Variants in CADPS2 observed in about 807,000 individuals in gnomAD.
CADPS2 encodes calcium dependent secretion activator 2, also known as calcium-dependent secretion activator 2.
CADPS2 carries 93 observed loss-of-function variants against 172.5 expected under a neutral mutation model. The ratio of observed to expected loss-of-function variants is 0.54; its 90% CI spans 0.46 to 0.64. The LOEUF (loss-of-function observed/expected upper bound fraction) is 0.64. Among genes scored for constraint, CADPS2 ranks in the 30% least tolerant of loss-of-function variants. The probability of loss-of-function intolerance (pLI) is 0.00; values close to 1 mark genes in which losing one functional copy is unlikely to be tolerated. For missense variants in CADPS2, 1,420 were observed against 1,565.9 expected, an observed-to-expected ratio of 0.91 and a Z score of 1.57; for synonymous variants, 546 against 555.2, an observed-to-expected ratio of 0.98 and a Z score of 0.23.
Position 122,393,553 on chromosome 7 carries a change from G to A in CADPS2, c.2776C>T (p.His926Tyr), listed in dbSNP as rs778512827. ...TLLCNGKFHK[H>Y]LQEIFVPLVV... ...AAGGGTACAAAGATTTCTTGCAAGT[G>A]TTTGTGAAATTTTCCATTACACAAA... Residue 926 changes from histidine (H) to tyrosine (Y), a missense_variant, in exon 21 of 30, where the codon CAC (histidine) becomes TAC (tyrosine). Transcript: ENST00000449022. The A allele has an allele frequency of 1.2e-6, 2 of 1,613,820 alleles. No individual in the cohort carries two copies. Among genetic ancestry groups the A allele is most frequent in the South Asian group, 1.1e-5 (1 of 91,068 alleles).
chr7:122,774,267 TATACAC>T lies in CADPS2; in HGVS notation c.340-37205_340-37200del, dbSNP rs894836230. Among the ~76,000 whole-genome samples, 33 of 119,574 alleles carry T rather than the reference TATACAC, an allele frequency of 2.8e-4. No homozygotes were observed. In the East Asian group the frequency reaches 4.2e-3, roughly 15 times the overall value. 78.4% of individuals were successfully genotyped at this position (119,574 alleles called of 152,430 possible). A position where few individuals can be genotyped will look rare whatever the true frequency, so the allele number is the denominator to read the frequency against. ...ATATATATATATAGACATAGATAGA[TATACAC>T]ACACACACACACACACACACACACA... On this transcript the variant is annotated intron_variant, in intron 1 of 29. Coordinates refer to ENST00000449022, the MANE Select transcript of CADPS2 (RefSeq NM_017954.11).
At chr7:122,797,419 T>G (rs1796615387) in intron 1 of CADPS2, among the ~76,000 whole-genome samples, 2 of 152,214 alleles carry the variant, frequency 1.3e-5, no homozygotes, top group South Asian at 4.1e-4. Context: ...GCAGCACTAT[T>G]CACAATAACA....
intron 2 of CADPS2, among the ~76,000 whole-genome samples, chr7:122,689,814 C>G (rs1285095904): frequency 6.6e-6 from 1 of 152,170 alleles, no homozygotes; most frequent in Non-Finnish European, 1.5e-5. Flanking sequence ...TGACTTTACC[C>G]CAGTGCTGCT....
Position 122,416,308 on chromosome 7 carries a change from AAC to A in CADPS2, c.2477-146_2477-145del, listed in dbSNP as rs1554508564. 20 of 465,188 alleles carry A rather than the reference AAC, an allele frequency of 4.3e-5. No individual in the cohort carries two copies. In the South Asian group the frequency reaches 7.2e-4, roughly 17 times the overall value. 28.8% of individuals were successfully genotyped at this position (465,188 alleles called of 1,614,324 possible). A position where few individuals can be genotyped will look rare whatever the true frequency, so the allele number is the denominator to read the frequency against. On this transcript the variant is annotated intron_variant, in intron 17 of 29. Coordinates refer to ENST00000449022, the MANE Select transcript of CADPS2 (RefSeq NM_017954.11). The stretch of plus-strand genomic sequence containing the variant: ...TACATTATTTAGACAAAAAAAAAAA[AAC>A]AGTTCACCAGATTGCAGGAAATATT...
rs78449978 is a variant in CADPS2, at chr7:122,868,011, G to T, written c.339+17988C>A. Among the ~76,000 whole-genome samples the T allele has an allele frequency of 7.9e-5, 12 of 152,198 alleles. No individual in the cohort carries two copies. The East Asian group carries it at 2.3e-3, about 30-fold the overall frequency. ...CCCAACTAGAAATCTCTTCCTGCTA[G>T]AAGGGTGTGAGACTTCTGCTTGCCT... On this transcript the variant is annotated intron_variant, in intron 1 of 29. Coordinates refer to ENST00000449022, the MANE Select transcript of CADPS2 (RefSeq NM_017954.11).
At chr7:122,480,466 A>C (rs1280645667) in intron 12 of CADPS2, among the ~76,000 whole-genome samples, 1 of 152,194 alleles carries the variant, frequency 6.6e-6, no homozygotes, top group East Asian at 1.9e-4. Flanking sequence ...CCGATAAAAC[A>C]TATCCACTGA....
At chr7:122,500,462 A>C (rs1586662995) in intron 9 of CADPS2, among the ~76,000 whole-genome samples, 1 of 152,202 alleles carries the variant, frequency 6.6e-6, no homozygotes, top group African/African-American at 2.4e-5. Context: ...TTGTACTCTT[A>C]AATGTATCCT....
intron 28 of CADPS2, 77 bp from the exon 29 acceptor site, chr7:122,325,658 C>T (rs907879680): frequency 1.3e-5 from 11 of 826,624 alleles, no homozygotes; most frequent in Admixed American, 2.1e-5. Flanking sequence ...TTAACAGATT[C>T]GATAATGAGG....
At chr7:122,455,645 T>C (rs1474180658) in intron 14 of CADPS2, among the ~76,000 whole-genome samples, 2 of 152,140 alleles carry the variant, frequency 1.3e-5, no homozygotes, top group Admixed American at 6.6e-5. Flanking sequence ...GAATTAGTAA[T>C]ATGACAAATT....
intron 2 of CADPS2, among the ~76,000 whole-genome samples, chr7:122,703,233 T>C (rs2136319122): frequency 6.6e-6 from 1 of 152,288 alleles, no homozygotes; most frequent in East Asian, 1.9e-4. Flanking sequence ...TTTCTAGCTG[T>C]AAGGCAAAGG....
At chr7:122,851,792 C>A (rs1813708607) in intron 1 of CADPS2, among the ~76,000 whole-genome samples, 1 of 152,116 alleles carries the variant, frequency 6.6e-6, no homozygotes, top group African/African-American at 2.4e-5. Flanking sequence ...AGACCCAACC[C>A]CGTGATTCAA....
At chr7:122,488,265 C>T (rs1194986226) in intron 11 of CADPS2, among the ~76,000 whole-genome samples, 1 of 152,148 alleles carries the variant, frequency 6.6e-6, no homozygotes, top group Non-Finnish European at 1.5e-5. Flanking sequence ...GAAAAAAGTT[C>T]TACCCGGGGT....
At chr7:122,610,144 A>C (rs1229363373) in intron 6 of CADPS2, among the ~76,000 whole-genome samples, 1 of 140,538 alleles carries the variant, frequency 7.1e-6, no homozygotes, top group Non-Finnish European at 1.6e-5. Context: ...CCTTATAGAA[A>C]GAGTAATAAA....
intron 3 of CADPS2, 79 bp downstream of exon 3, chr7:122,663,158 C>T: frequency 2.0e-6 from 2 of 1,020,888 alleles, no homozygotes; most frequent in Non-Finnish European, 1.4e-6. Flanking sequence ...AAGTAAAGGA[C>T]ATCTTCATAG....
chr7:122,864,187 T>C (rs1462263248), intron 1 of CADPS2, among the ~76,000 whole-genome samples: 1 of 152,154 alleles, frequency 6.6e-6, no homozygotes, highest in Non-Finnish European at 1.5e-5. Context: ...CAGACTCTCT[T>C]ATGTCTGAGT....
At chr7:122,705,649 A>C (rs2086945093) in intron 2 of CADPS2, among the ~76,000 whole-genome samples, 1 of 97,460 alleles carries the variant, frequency 1.0e-5, no homozygotes, top group Non-Finnish European at 1.8e-5. Context: ...AATATATTAT[A>C]TAATATATCT....
chr7:122,783,225 G>A (rs1793218755), intron 1 of CADPS2, among the ~76,000 whole-genome samples: 1 of 151,094 alleles, frequency 6.6e-6, no homozygotes, highest in Non-Finnish European at 1.5e-5. Context: ...AAAAAAACCA[G>A]CATATAGCTA....
At chr7:122,355,394 A>G (rs1043334812) in intron 27 of CADPS2, among the ~76,000 whole-genome samples, 1 of 152,186 alleles carries the variant, frequency 6.6e-6, no homozygotes, top group African/African-American at 2.4e-5. Flanking sequence ...AGCCTGGCCA[A>G]CATGGTGAAA....
At chr7:122,660,347 C>G (rs1301569355) in intron 3 of CADPS2, among the ~76,000 whole-genome samples, 1 of 151,850 alleles carries the variant, frequency 6.6e-6, no homozygotes, top group Non-Finnish European at 1.5e-5. Context: ...ATTTTAAACT[C>G]TAGGAGAATC....
Sources: gnomAD v4.1 joint callset for allele counts (sites outside exome capture counted in the v4.1 genomes callset) on GRCh38, gnomAD v4.1.1 for gene constraint, MANE v1.5 for transcripts, NCBI Gene and HGNC (gene_info 2026-07-23, HGNC 2026-07-21) for gene names.